The following PTPRM variants were observed in gnomAD, a reference collection of about 807,000 sequenced individuals.
PTPRM encodes the protein receptor-type tyrosine-protein phosphatase mu.
A neutral mutation model predicts 186.7 loss-of-function variants in PTPRM; 47 were observed. That is an observed-to-expected ratio of 0.25 (90% confidence interval 0.20 to 0.32). The LOEUF is 0.32. PTPRM is among the 10% of genes least tolerant of loss of function. PTPRM has a pLI of 1.00. For synonymous variants in PTPRM, 668 were observed against 674.9 expected (o/e 0.99, Z 0.16); for missense variants, 1,494 against 1,865.0 (o/e 0.80, Z 3.66).
At chr18:7,985,644 T>TA (rs2082922246) in intron 7 of PTPRM, among the ~76,000 whole-genome samples, 1 of 149,804 alleles carries the variant, frequency 6.7e-6, no homozygotes, top group African/African-American at 2.4e-5. Flanking sequence ...TATATACATA[T>TA]ATGGGGTAAA....
At chr18:7,752,815 C>G (rs1309866463) in intron 1 of PTPRM, among the ~76,000 whole-genome samples, 1 of 152,080 alleles carries the variant, frequency 6.6e-6, no homozygotes, top group Non-Finnish European at 1.5e-5. Context: ...AACTACGTAC[C>G]TAGATGTTTT....
intron 23 of PTPRM, among the ~76,000 whole-genome samples, chr18:8,361,934 A>G (rs79798457): frequency 0.01 from 1,527 of 152,310 alleles, 23 homozygotes; most frequent in African/African-American, 0.035. Flanking sequence ...AGAAAAGAAT[A>G]TCGTGTGTGT....
chr18:7,707,467 AAATAAT>A (rs140187676), intron 1 of PTPRM, among the ~76,000 whole-genome samples: 6 of 151,128 alleles, frequency 4.0e-5, no homozygotes, highest in South Asian at 2.1e-4. Flanking sequence ...CCCTTCTCTA[AAATAAT>A]AATAATAATA....
At chr18:7,779,122 T>C (rs2042732845) in intron 2 of PTPRM, among the ~76,000 whole-genome samples, 1 of 152,216 alleles carries the variant, frequency 6.6e-6, no homozygotes, top group Admixed American at 6.5e-5. Context: ...GAAGGTAACT[T>C]ATAATCATAG....
At chr18:7,964,612 T>A (rs114443637) in intron 7 of PTPRM, among the ~76,000 whole-genome samples, 250 of 152,346 alleles carry the variant, frequency 1.6e-3, no homozygotes, top group African/African-American at 5.7e-3. Flanking sequence ...TAAATGCTGA[T>A]ACAAAATTAT....
At chr18:7,881,473 G>A (rs896344502) in intron 2 of PTPRM, among the ~76,000 whole-genome samples, 1 of 152,152 alleles carries the variant, frequency 6.6e-6, no homozygotes, top group African/African-American at 2.4e-5. Context: ...CTATTATTTC[G>A]TACTGAGTTA....
At chr18:8,329,591 G>A (rs2095400054) in intron 22 of PTPRM, among the ~76,000 whole-genome samples, 1 of 152,196 alleles carries the variant, frequency 6.6e-6, no homozygotes, top group Admixed American at 6.5e-5. Context: ...TCCTTGCAAA[G>A]CAAAGCTACT....
At chr18:8,317,294 G>A (rs2095315461) in intron 21 of PTPRM, among the ~76,000 whole-genome samples, 2 of 152,152 alleles carry the variant, frequency 1.3e-5, no homozygotes, top group South Asian at 4.1e-4. Context: ...GGGTTCAGGA[G>A]GGAGAGAGGG....
In PTPRM at chr18:8,102,747, T is replaced by G. The variant is rs911544836; in HGVS notation, c.1857-10739T>G. Among the ~76,000 whole-genome samples, 3 of 152,338 alleles carry G rather than the reference T, an allele frequency of 2.0e-5. No individual in the cohort carries two copies. The East Asian group carries it at 5.8e-4, about 29-fold the overall frequency. ...ATATTAATACTTTCACTTCCTCCCA[T>G]GAATCACAAATGTTCTTAATGGCAT... On this transcript the variant is annotated intron_variant, in intron 11 of 32. Coordinates refer to ENST00000580170, the MANE Select transcript of PTPRM (RefSeq NM_001105244.2).
At chr18:8,217,721 T>C (rs577018768) in intron 14 of PTPRM, among the ~76,000 whole-genome samples, 56 of 152,320 alleles carry the variant, frequency 3.7e-4, no homozygotes, top group Middle Eastern at 3.4e-3. Context: ...TAGCTGAGTC[T>C]CAGTATGCCC....
intron 4 of PTPRM, among the ~76,000 whole-genome samples, chr18:7,914,837 G>T (rs2050462812): frequency 6.6e-6 from 1 of 152,132 alleles, no homozygotes; most frequent in South Asian, 2.1e-4. Context: ...TTCCTTGTTT[G>T]TGATGATATG....
intron 7 of PTPRM, among the ~76,000 whole-genome samples, chr18:7,960,470 T>TACAC (rs1456122766): frequency 8.6e-6 from 1 of 115,968 alleles, no homozygotes; most frequent in African/African-American, 3.3e-5. Context: ...TATATATATA[T>TACAC]ATATATATAT....
At chr18:8,320,708 T>G (rs1229937627) in intron 22 of PTPRM, among the ~76,000 whole-genome samples, 1 of 152,158 alleles carries the variant, frequency 6.6e-6, no homozygotes, top group African/African-American at 2.4e-5. Flanking sequence ...CCCAAGAACC[T>G]GGGTGACACC....
At chr18:7,972,869 A>G (rs980673207) in intron 7 of PTPRM, among the ~76,000 whole-genome samples, 1 of 152,102 alleles carries the variant, frequency 6.6e-6, no homozygotes, top group African/African-American at 2.4e-5. Flanking sequence ...CAACATCTCT[A>G]TGTAAGCTCA....
intron 31 of PTPRM, among the ~76,000 whole-genome samples, chr18:8,389,876 G>A (rs1022412421): frequency 6.6e-6 from 1 of 152,102 alleles, no homozygotes; most frequent in African/African-American, 2.4e-5. Flanking sequence ...AAGACCTGCC[G>A]GTGCTTTGAA....
chr18:7,950,980 C>A (rs543241087), intron 6 of PTPRM, among the ~76,000 whole-genome samples: 1 of 152,224 alleles, frequency 6.6e-6, no homozygotes, highest in African/African-American at 2.4e-5. Flanking sequence ...ACAGTGCACC[C>A]CAGTGAGGCC....
intron 7 of PTPRM, among the ~76,000 whole-genome samples, chr18:7,994,641 A>G (rs1302603051): frequency 6.6e-6 from 1 of 152,190 alleles, no homozygotes; most frequent in Non-Finnish European, 1.5e-5. Context: ...ATCAGAACAC[A>G]ATGGAATAAA....
intron 1 of PTPRM, among the ~76,000 whole-genome samples, chr18:7,590,475 A>G (rs2037097033): frequency 6.6e-6 from 1 of 152,178 alleles, no homozygotes; most frequent in African/African-American, 2.4e-5. Context: ...TCCAAATATG[A>G]TAAATGTCTC....
chr18:7,859,315 TC>T (rs1184469994), intron 2 of PTPRM, among the ~76,000 whole-genome samples: 1 of 152,062 alleles, frequency 6.6e-6, no homozygotes, highest in Non-Finnish European at 1.5e-5. Flanking sequence ...GCTTCCCTGA[TC>T]CCCCTCTAGG....
Sources: gnomAD v4.1 joint callset for allele counts (sites outside exome capture counted in the v4.1 genomes callset) on GRCh38, gnomAD v4.1.1 for gene constraint, MANE v1.5 for transcripts, NCBI Gene and HGNC (gene_info 2026-07-23, HGNC 2026-07-21) for gene names.